Variants in KCNK2 observed in about 807,000 individuals in gnomAD.
KCNK2 encodes potassium two pore domain channel subfamily K member 2.
Under a neutral mutation model 40.5 loss-of-function variants are expected in KCNK2, and 21 were observed. That is an observed-to-expected ratio of 0.52 (90% CI 0.37 to 0.75). The LOEUF is 0.75. Ranked by LOEUF, KCNK2 falls within the 30% of genes least tolerant of loss-of-function variation. KCNK2 has a pLI of 0.00. For synonymous variants in KCNK2, 191 were observed against 202.2 expected (o/e 0.94, Z 0.47); for missense variants, 399 against 531.6 (o/e 0.75, Z 2.45).
At chr1:215,165,177 C>A (rs183248885) in intron 3 of KCNK2, among the ~76,000 whole-genome samples, 202 of 152,274 alleles carry the variant, frequency 1.3e-3, no homozygotes, top group African/African-American at 4.6e-3. Flanking sequence ...CTTTCCATAG[C>A]TTGCACCAAT....
chr1:215,081,245 C>A (rs552527672), upstream of KCNK2, among the ~76,000 whole-genome samples: 38 of 151,508 alleles, frequency 2.5e-4, no homozygotes, highest in African/African-American at 8.7e-4. Context: ...ATACCTTAGT[C>A]ATGTAAAGTT....
At chr1:215,121,775 G>A (rs779537488) in intron 2 of KCNK2, among the ~76,000 whole-genome samples, 12 of 152,090 alleles carry the variant, frequency 7.9e-5, no homozygotes, top group Non-Finnish European at 1.3e-4. Context: ...TTATAAAATT[G>A]TAAAATTGTT....
chr1:215,097,237 A>G (rs969504633), intron 2 of KCNK2, among the ~76,000 whole-genome samples: 1 of 151,950 alleles, frequency 6.6e-6, no homozygotes, highest in African/African-American at 2.4e-5. Context: ...AAAGGCATGT[A>G]AGAAGATTCT....
intron 3 of KCNK2, among the ~76,000 whole-genome samples, chr1:215,153,467 C>A (rs901087841): frequency 3.3e-5 from 5 of 152,004 alleles, no homozygotes; most frequent in Admixed American, 2.6e-4. Flanking sequence ...CTGGTAGGAC[C>A]AATTACAGAG....
upstream of KCNK2, chr1:215,081,950 A>G (rs1659172561): frequency 6.6e-6 from 1 of 152,238 alleles, no homozygotes; most frequent in South Asian, 2.1e-4. Flanking sequence ...GTACCTGCCA[A>G]ATACGGATCC....
Position 215,170,886 on chromosome 1 carries a change from A to G in KCNK2, c.637-1111A>G, listed in dbSNP as rs368714911. 4.4e-4 allele frequency among the ~76,000 whole-genome samples: 67 copies of G among 152,216 alleles called. 1 individual carries two copies. In the South Asian group the frequency reaches 0.012, roughly 26 times the overall value. The stretch of plus-strand genomic sequence containing the variant: ...TATGTTGCATATATACCAGTGCATA[A>G]AAAAAGTTCCATGCCCTTATGGTGA... On this transcript the variant is annotated intron_variant, in intron 4 of 6. Transcript: ENST00000444842.
chr1:215,159,476 AC>A (rs1443115931), intron 3 of KCNK2, among the ~76,000 whole-genome samples: 1 of 152,170 alleles, frequency 6.6e-6, no homozygotes, highest in Non-Finnish European at 1.5e-5. Flanking sequence ...ATCAGGATCT[AC>A]TGGGGACAGA....
chr1:215,236,803 T>G lies in KCNK2; in HGVS notation c.*1658T>G, dbSNP rs1666917641. 1 of 152,132 alleles carries G rather than the reference T, an allele frequency of 6.6e-6. No homozygotes were observed. Among genetic ancestry groups the G allele is most frequent in the African/African-American group, 2.4e-5 (1 of 41,420 alleles). The allele number at this position is 152,132 out of a possible 1,614,324, so 9.4% of individuals were successfully genotyped here. ...GTATCTGAATAAGTGGCATTCAGAT[T>G]AGGGTCTTGAAAAATAAACCCAGAA... On this transcript the variant is annotated 3_prime_UTR_variant, in exon 7 of 7. Transcript: ENST00000444842.
chr1:215,190,525 C>T (rs889165375), intron 5 of KCNK2, among the ~76,000 whole-genome samples: 3 of 152,124 alleles, frequency 2.0e-5, no homozygotes, highest in Non-Finnish European at 4.4e-5. Flanking sequence ...TCTGCTACCC[C>T]TTTCTTGGGT....
At position 215,083,274 on chromosome 1, in the gene KCNK2, A is replaced by T. The variant is rs1659259204; in HGVS notation, c.-112A>T. 7.1e-7 allele frequency: 1 copy of T among 1,418,182 alleles called. No homozygotes were observed. The highest frequency in any genetic ancestry group is 9.4e-7 in the Non-Finnish European group (1 of 1,060,086). The allele number at this position is 1,418,182 out of a possible 1,614,324, so 87.8% of individuals were successfully genotyped here. The stretch of plus-strand genomic sequence containing the variant: ...AGCCGGGGAAAATGCCTGCCCGTGC[A>T]GCTCGGAGCGCGCAGCCCGTCTCTG... On this transcript the variant is annotated 5_prime_UTR_variant, in exon 1 of 7. Transcript: ENST00000444842.
At chr1:215,226,372 C>G (rs1011047367) in intron 6 of KCNK2, among the ~76,000 whole-genome samples, 23 of 152,204 alleles carry the variant, frequency 1.5e-4, no homozygotes, top group African/African-American at 5.5e-4. Flanking sequence ...TGTCCGCAAG[C>G]TGGAGCGCAG....
chr1:215,209,460 T>A (rs1233316842), intron 6 of KCNK2, among the ~76,000 whole-genome samples: 420 of 4,214 alleles, frequency 0.1, 13 homozygotes, highest in African/African-American at 0.16. Flanking sequence ...ATATTATATA[T>A]TATATATAAT....
At chr1:215,054,963 G>A (rs1658108413) in intron 1 of KCNK2, among the ~76,000 whole-genome samples, 1 of 152,182 alleles carries the variant, frequency 6.6e-6, no homozygotes, top group Admixed American at 6.5e-5. Context: ...CAACTCAAGT[G>A]TTAAATCACT....
chr1:215,111,405 T>C (rs771286672), intron 2 of KCNK2, among the ~76,000 whole-genome samples: 1 of 152,146 alleles, frequency 6.6e-6, no homozygotes, highest in Non-Finnish European at 1.5e-5. Flanking sequence ...CATTTGATGG[T>C]TTATCCTCTG....
At chr1:215,050,947 T>C (rs980162806) in intron 1 of KCNK2, among the ~76,000 whole-genome samples, 6 of 152,196 alleles carry the variant, frequency 3.9e-5, no homozygotes, top group African/African-American at 1.4e-4. Context: ...GGGCTTATTA[T>C]TGGATTTGAG....
At chr1:215,125,102 AC>A (rs1362869931) in intron 3 of KCNK2, among the ~76,000 whole-genome samples, 1 of 152,090 alleles carries the variant, frequency 6.6e-6, no homozygotes, top group African/African-American at 2.4e-5. Context: ...AGCAATTTTG[AC>A]ATTCTTTTCA....
intron 1 of KCNK2, among the ~76,000 whole-genome samples, chr1:215,073,606 C>G (rs796952624): frequency 1.8e-4 from 28 of 152,054 alleles, no homozygotes; most frequent in African/African-American, 6.8e-4. Flanking sequence ...AAGATACATT[C>G]AAGAAACTGG....
At chr1:215,019,505 G>A (rs1020610018) in intron 1 of KCNK2, among the ~76,000 whole-genome samples, 3 of 152,166 alleles carry the variant, frequency 2.0e-5, no homozygotes, top group Non-Finnish European at 2.9e-5. Context: ...ATTAGTTGCC[G>A]CATCTGTTCC....
At chr1:215,028,967 CT>C (rs143223591) in intron 1 of KCNK2, among the ~76,000 whole-genome samples, 384 of 144,004 alleles carry the variant, frequency 2.7e-3, no homozygotes, top group Non-Finnish European at 3.1e-3. Flanking sequence ...AAAAAACAGG[CT>C]TTTTTTTTTT....
Sources: gnomAD v4.1 joint callset for allele counts (sites outside exome capture counted in the v4.1 genomes callset) on GRCh38, gnomAD v4.1.1 for gene constraint, MANE v1.5 for transcripts, NCBI Gene and HGNC (gene_info 2026-07-23, HGNC 2026-07-21) for gene names.